Variants in HEATR9 observed in about 807,000 individuals in gnomAD.
The protein encoded by HEATR9 is HEAT repeat containing 9, also known as protein HEATR9.
A neutral mutation model predicts 68.2 loss-of-function variants in HEATR9; 54 were observed. The observed-to-expected ratio is 0.79, with a 90% CI of 0.64 to 0.99. HEATR9 has a LOEUF of 0.99. Ranked by LOEUF, HEATR9 falls within the 50% of genes least tolerant of loss-of-function variation. The probability of loss-of-function intolerance (pLI) is 0.00; values close to 1 mark genes in which losing one functional copy is unlikely to be tolerated. For missense variants in HEATR9, 662 were observed against 679.7 expected (o/e 0.97, Z 0.29); for synonymous variants, 241 against 253.5 (o/e 0.95, Z 0.47).
At position 35,866,739 on chromosome 17, in the gene HEATR9, G is replaced by T; in HGVS notation, c.123C>A (p.Pro41=). ...GGGGTCTTACCTGGTAGCAGGACAA[G>T]GGCAGATGAACAGGAGCCATGGCTT... ...LRKAMAPVHL[P]LSCYQMPKEE... The change falls in exon 2 of 15, where the codon CCC becomes CCA. Residue 41 remains proline (P), a synonymous_variant. Transcript: ENST00000604834. 1.2e-6 allele frequency: 2 copies of T among 1,614,096 alleles called. No individual in the cohort carries two copies. Among genetic ancestry groups the T allele is most frequent in the Non-Finnish European group, 1.7e-6 (2 of 1,179,954 alleles).
At position 35,855,682 on chromosome 17, in the gene HEATR9, G is replaced by T. The variant is rs761867439; in HGVS notation, c.1347C>A (p.His449Gln). The change falls in exon 14 of 15, where the codon CAC (histidine) becomes CAA (glutamine). Residue 449 changes from histidine to glutamine, a missense_variant. Physicochemically the swap from His to Gln is conservative, Grantham distance 24. Transcript: ENST00000604834. The part of the protein sequence containing the change: ...LLLDLLDAEN[H>Q]QAVKKSLQET... ...TACTTACACTCTTCTTCACAGCCTGGTGGTTTTCTGCATCTAGTAAGTCCA... is the reference window on the plus strand; with the variant it reads ...TACTTACACTCTTCTTCACAGCCTGTTGGTTTTCTGCATCTAGTAAGTCCA... 6.2e-7 allele frequency: 1 copy of T among 1,614,144 alleles called. No individual in the cohort carries two copies.
In HEATR9 at chr17:35,858,494, A is replaced by G; in HGVS notation, c.971T>C (p.Val324Ala). 6.2e-7 allele frequency: 1 copy of G among 1,613,794 alleles called. No homozygotes were observed. Among genetic ancestry groups the G allele is most frequent in the South Asian group, 1.1e-5 (1 of 91,044 alleles). Reference sequence around the variant, plus strand: ...GGCCTTGATGACTGGGGCTGAGTGCACGTGCATCACCTTGACCAGCATCCT... The same window carrying G: ...GGCCTTGATGACTGGGGCTGAGTGCGCGTGCATCACCTTGACCAGCATCCT... Reference protein sequence around the residue: ...ALRMLVKVMHVHSAPVIKAIL... With the variant: ...ALRMLVKVMHAHSAPVIKAIL... The change falls in exon 10 of 15, where the codon GTG (valine) becomes GCG (alanine). Residue 324 changes from valine to alanine, a missense_variant. Physicochemically the swap from Val to Ala is moderately conservative, Grantham distance 64 (BLOSUM62 0). Transcript: ENST00000604834.
rs774204123 is a variant in HEATR9 at position 35,859,041 on chromosome 17, C to T, written c.786G>A (p.Leu262=). 1.2e-6 allele frequency: 2 copies of T among 1,614,186 alleles called. No homozygotes were observed. Among genetic ancestry groups the T allele is most frequent in the East Asian group, 2.2e-5 (1 of 44,878 alleles). Residue 262 remains leucine (L), a synonymous_variant, in exon 9 of 15, where the codon CTG becomes CTA. Coordinates refer to ENST00000604834, the MANE Select transcript of HEATR9 (RefSeq NM_152781.4). The part of the protein sequence containing the change: ...KRTQVGDEGK[L]VPVLQTLIKK... The stretch of plus-strand genomic sequence containing the variant: ...TGATCAGTGTCTGTAGTACAGGCAC[C>T]AGCTTGCCCTCATCCCCGACTTGAG...
In HEATR9 at chr17:35,858,923, A is replaced by G; in HGVS notation, c.904T>C (p.Cys302Arg). 6.2e-7 allele frequency: 1 copy of G among 1,614,120 alleles called. No individual in the cohort carries two copies. The highest frequency in any genetic ancestry group is 8.5e-7 in the Non-Finnish European group (1 of 1,180,036). ...SNMVQEFLLQ[C>R]LCQGLKTQRM... is the part of the protein sequence containing the mutation. The stretch of plus-strand genomic sequence containing the variant: ...TGGGTCTTGAGTCCTTGGCACAGGC[A>G]CTGCAACAAGAACTCTTGGACCATG... The change falls in exon 9 of 15, where the codon TGC becomes CGC. Residue 302 changes from cysteine to arginine, a missense_variant. Coordinates refer to ENST00000604834, the MANE Select transcript of HEATR9 (RefSeq NM_152781.4).
chr17:35,855,563 C>G (rs1199446241), intron 14 of HEATR9, 101 bp downstream of exon 14: 32 of 1,322,846 alleles, frequency 2.4e-5, no homozygotes, highest in Admixed American at 3.4e-5. Flanking sequence ...GGGCTCATGA[C>G]CCTCTCCTCC....
chr17:35,861,178 T>G (rs2087978258), intron 8 of HEATR9: 1 of 1,598,568 alleles, frequency 6.3e-7, no homozygotes, highest in African/African-American at 1.3e-5. Context: ...AAGATGGATG[T>G]TTTGCTTGAC....
chr17:35,866,607 G>T, intron 2 of HEATR9, 117 bp downstream of exon 2: 2 of 956,174 alleles, frequency 2.1e-6, no homozygotes, highest in South Asian at 1.4e-5. Context: ...CACAGTTAAT[G>T]GCAGCCCCAG....
rs1217798556 is a variant in HEATR9, at chr17:35,863,045, T to C, written c.706A>G (p.Thr236Ala). 6.2e-7 allele frequency: 1 copy of C among 1,614,184 alleles called. No homozygotes were observed. The highest frequency in any genetic ancestry group is 8.5e-7 in the Non-Finnish European group (1 of 1,180,034). ...GAGTTAAGAGCCATTCGTAGCCCCG[T>C]CAAAGTCTCCATCCTTTGACCCTCA... is the stretch of plus-strand genomic sequence containing the variant. The part of the protein sequence containing the change: ...KNEGQRMETL[T>A]GLRMALNSWA... Residue 236 changes from threonine to alanine, a missense_variant, in exon 8 of 15, where the codon ACG (threonine) becomes GCG (alanine). Thr to Ala is a moderately conservative substitution (Grantham distance 58, BLOSUM62 0). Coordinates refer to ENST00000604834, the MANE Select transcript of HEATR9 (RefSeq NM_152781.4).
At chr17:35,862,279 C>T (rs2088022529) in intron 8 of HEATR9, among the ~76,000 whole-genome samples, 1 of 152,164 alleles carries the variant, frequency 6.6e-6, no homozygotes, top group African/African-American at 2.4e-5. Context: ...ACTGCTATAT[C>T]CCAAGGGCCT....
Position 35,868,782 on chromosome 17 carries a change from G to T in HEATR9, c.-40C>A. The T allele has an allele frequency of 1.3e-6, 2 of 1,593,448 alleles. No homozygotes were observed. The highest frequency in any genetic ancestry group is 8.6e-7 in the Non-Finnish European group (1 of 1,161,958). On this transcript the variant is annotated 5_prime_UTR_variant, in exon 1 of 15. Transcript: ENST00000604834. ...GGGGCCAGAGGGAACCTGCAGGGGGGAATACAAGGCTTTTAGGGGAGTGGG... is the reference window on the plus strand; with the variant it reads ...GGGGCCAGAGGGAACCTGCAGGGGGTAATACAAGGCTTTTAGGGGAGTGGG...
intron 2 of HEATR9, 64 bp from the exon 3 acceptor site, chr17:35,865,460 G>A: frequency 5.6e-6 from 7 of 1,260,080 alleles, no homozygotes; most frequent in Non-Finnish European, 7.9e-6. Context: ...TGAGGGTATG[G>A]GGAGGAGGGG....
At chr17:35,856,852 T>G in intron 11 of HEATR9, 47 bp from the exon 12 acceptor site, 1 of 1,497,770 alleles carries the variant, frequency 6.7e-7, no homozygotes, top group Non-Finnish European at 9.1e-7. Context: ...AATGCAAGGG[T>G]GTACACTTAA....
rs1436752037 is a variant in HEATR9 at position 35,866,123 on chromosome 17, A to G, written c.138+601T>C. Among the ~76,000 whole-genome samples, 7 of 152,268 alleles carry G rather than the reference A, an allele frequency of 4.6e-5. No individual in the cohort carries two copies. In the East Asian group the frequency reaches 1.4e-3, roughly 29 times the overall value. Reference sequence around the variant, plus strand: ...CTGGGCAACAGGGAAGAGGGGCTTCAGCTGTGGTTCCCAACTTTGTACTGA... The same window carrying G: ...CTGGGCAACAGGGAAGAGGGGCTTCGGCTGTGGTTCCCAACTTTGTACTGA... On this transcript the variant is annotated intron_variant, in intron 2 of 14. Coordinates refer to ENST00000604834, the MANE Select transcript of HEATR9 (RefSeq NM_152781.4).
At chr17:35,864,722 G>A in intron 4 of HEATR9, 36 bp downstream of exon 4, 1 of 1,612,586 alleles carries the variant, frequency 6.2e-7, no homozygotes, top group Non-Finnish European at 8.5e-7. Flanking sequence ...CCCACAGGGA[G>A]GGAGTCCCCC....
intron 11 of HEATR9, among the ~76,000 whole-genome samples, chr17:35,857,468 T>A (rs754803042): frequency 6.6e-6 from 1 of 152,068 alleles, no homozygotes; most frequent in Non-Finnish European, 1.5e-5. Context: ...TTTAGAAATA[T>A]AACACCTAGG....
rs766818651 is a variant in HEATR9 at position 35,855,058 on chromosome 17, T to A, written c.*5A>T. On this transcript the variant is annotated 3_prime_UTR_variant, in exon 15 of 15. Coordinates refer to ENST00000604834, the MANE Select transcript of HEATR9 (RefSeq NM_152781.4). Reference sequence around the variant, plus strand: ...GGAGTCGGGGAGTAGGCCCAAAGAATTGACTTATTTGGCAATTTCAGCAAG... The same window carrying A: ...GGAGTCGGGGAGTAGGCCCAAAGAAATGACTTATTTGGCAATTTCAGCAAG... 1 of 1,608,548 alleles carries A rather than the reference T, an allele frequency of 6.2e-7. No homozygotes were observed. Among genetic ancestry groups the A allele is most frequent in the Non-Finnish European group, 8.5e-7 (1 of 1,177,030 alleles).
Position 35,855,653 on chromosome 17 carries a change from GC to G in HEATR9, c.1365+10del. Reference sequence around the variant, plus strand: ...AGAAGAGGAAGAAGTGGGCAGGAACGCCTTACTTACACTCTTCTTCACAGCC... The same window carrying G: ...AGAAGAGGAAGAAGTGGGCAGGAACGCTTACTTACACTCTTCTTCACAGCC... On this transcript the variant is annotated intron_variant, in intron 14 of 14. Transcript: ENST00000604834. 3 of 1,612,274 alleles carry G rather than the reference GC, an allele frequency of 1.9e-6. No homozygotes were observed. In the South Asian group the frequency reaches 3.3e-5, roughly 18 times the overall value.
At chr17:35,867,589 G>T (rs1466261059) in intron 1 of HEATR9, among the ~76,000 whole-genome samples, 3 of 152,070 alleles carry the variant, frequency 2.0e-5, no homozygotes, top group African/African-American at 7.2e-5. Flanking sequence ...CGGGCAGATT[G>T]CTTGAGCCAA....
intron 6 of HEATR9, chr17:35,863,956 G>A (rs2088096537): frequency 1.9e-6 from 1 of 540,252 alleles, no homozygotes; most frequent in Non-Finnish European, 3.3e-6. Flanking sequence ...TCCAGTAAAG[G>A]CAGAGAATGT....
Sources: allele counts gnomAD v4.1 joint callset (sites outside exome capture counted in the v4.1 genomes callset), GRCh38; gene constraint gnomAD v4.1.1; transcripts MANE v1.5; gene names NCBI Gene and HGNC (gene_info 2026-07-23, HGNC 2026-07-21).